The following PCDHGA11 variants were observed in gnomAD, a reference collection of about 807,000 sequenced individuals.
The protein encoded by PCDHGA11 is protocadherin gamma subfamily A, 11.
A neutral mutation model predicts 60.4 loss-of-function variants in PCDHGA11; 39 were observed. The observed-to-expected ratio is 0.65, with a 90% CI of 0.50 to 0.84. The LOEUF (loss-of-function observed/expected upper bound fraction) is 0.84, where lower values mean the gene tolerates loss of function less well. Ranked by LOEUF, PCDHGA11 falls within the 40% of genes least tolerant of loss-of-function variation. The probability of loss-of-function intolerance (pLI) is 0.00; values close to 1 mark genes in which losing one functional copy is unlikely to be tolerated. For synonymous variants in PCDHGA11, 533 were observed against 510.3 expected (o/e 1.04, Z -0.60); for missense variants, 1,165 against 1,197.7 (o/e 0.97, Z 0.40).
intron 1 of PCDHGA11, among the ~76,000 whole-genome samples, chr5:141,447,234 G>T (rs534523483): frequency 9.9e-4 from 150 of 152,170 alleles, no homozygotes; most frequent in Non-Finnish European, 1.8e-3. Flanking sequence ...CCGCCTCCCG[G>T]GTTCAAGTGA....
chr5:141,457,058 T>A (rs756862311), intron 1 of PCDHGA11, among the ~76,000 whole-genome samples: 2 of 152,230 alleles, frequency 1.3e-5, no homozygotes, highest in Non-Finnish European at 2.9e-5. Flanking sequence ...TCATGCTTCC[T>A]TTTTGCCAGT....
chr5:141,466,039 A>G (rs926979550), intron 1 of PCDHGA11, among the ~76,000 whole-genome samples: 1 of 152,122 alleles, frequency 6.6e-6, no homozygotes, highest in Non-Finnish European at 1.5e-5. Context: ...GGAGAACGGC[A>G]TGAACCCAGG....
chr5:141,486,844 C>T lies in PCDHGA11; in HGVS notation c.2434-7963C>T, dbSNP rs150549306. The T allele has an allele frequency of 1.1e-5, 17 of 1,614,220 alleles. No homozygotes were observed. The highest frequency in any genetic ancestry group is 1.4e-5 in the Non-Finnish European group (16 of 1,180,026). ...TAACAGTTCGTCTATTTGTGCTGGACCTCAATGACAATGCTCCAGCTGTGC... is the reference window on the plus strand; with the variant it reads ...TAACAGTTCGTCTATTTGTGCTGGATCTCAATGACAATGCTCCAGCTGTGC... On this transcript the variant is annotated intron_variant, in intron 1 of 3. Transcript: ENST00000398587. The surrounding 1 kb of genome is among the most constrained non-coding windows in gnomAD (Gnocchi z 5.0).
At position 141,491,257 on chromosome 5, in the gene PCDHGA11, G is replaced by GAAAT. The variant is rs1562145331; in HGVS notation, c.2434-3549_2434-3546dup. On this transcript the variant is annotated intron_variant, in intron 1 of 3. Transcript: ENST00000398587. The surrounding 1 kb of genome is among the most constrained non-coding windows in gnomAD (Gnocchi z 6.9). ...GGTTCTGGAGGATGAGGACCCTGAG[G>GAAAT]AAATGCCCAAATCCAGTGACTTCCT... is the stretch of plus-strand genomic sequence containing the variant. 6.2e-7 allele frequency: 1 copy of GAAAT among 1,614,170 alleles called. No individual in the cohort carries two copies. Among genetic ancestry groups the GAAAT allele is most frequent in the East Asian group, 2.2e-5 (1 of 44,884 alleles).
chr5:141,464,377 T>A (rs1410334231), intron 1 of PCDHGA11, among the ~76,000 whole-genome samples: 3 of 151,486 alleles, frequency 2.0e-5, no homozygotes, highest in Admixed American at 2.0e-4. Flanking sequence ...TTTTGCAATA[T>A]AAAAAATGCT....
At chr5:141,460,989 A>G (rs199888312) in intron 1 of PCDHGA11, among the ~76,000 whole-genome samples, 3,445 of 98,242 alleles carry the variant, frequency 0.035, 55 homozygotes, top group African/African-American at 0.064. Context: ...GTGTGTATAT[A>G]TATATATGTG....
At position 141,423,091 on chromosome 5, in the gene PCDHGA11, G is replaced by C. The variant is rs1243671863; in HGVS notation, c.1864G>C (p.Glu622Gln). The change falls in exon 1 of 4, where the codon GAG (glutamate) becomes CAG (glutamine). Residue 622 changes from glutamate (E) to glutamine (Q), a missense_variant. Glu to Gln is a conservative substitution (Grantham distance 29). Transcript: ENST00000398587. The part of the protein sequence containing the change: ...ASEPGLFAVG[E>Q]HTGEVRTARA... ...CGAGCCGGGACTCTTCGCGGTGGGGGAGCACACGGGCGAGGTGCGTACAGC... is the reference window on the plus strand; with the variant it reads ...CGAGCCGGGACTCTTCGCGGTGGGGCAGCACACGGGCGAGGTGCGTACAGC... 11 of 1,613,908 alleles carry C rather than the reference G, an allele frequency of 6.8e-6. No individual in the cohort carries two copies. Among genetic ancestry groups the C allele is most frequent in the South Asian group, 2.2e-5 (2 of 91,084 alleles).
In PCDHGA11 at chr5:141,477,074, A is replaced by G; in HGVS notation, c.2434-17733A>G. Reference sequence around the variant, plus strand: ...CTTCGAGGACACCAAACTCCATGAGATTTACATCCAGGCCAAAGACAAGGG... The same window carrying G: ...CTTCGAGGACACCAAACTCCATGAGGTTTACATCCAGGCCAAAGACAAGGG... On this transcript the variant is annotated intron_variant, in intron 1 of 3. Coordinates refer to ENST00000398587, the MANE Select transcript of PCDHGA11 (RefSeq NM_018914.3). This position sits in a 1 kb window ranked among gnomAD's most constrained non-coding sequence, Gnocchi z 4.9. 1 of 1,614,250 alleles carries G rather than the reference A, an allele frequency of 6.2e-7. No homozygotes were observed.
Position 141,491,994 on chromosome 5 carries a change from C to T in PCDHGA11, c.2434-2813C>T. On this transcript the variant is annotated intron_variant, in intron 1 of 3. Transcript: ENST00000398587. This position sits in a 1 kb window ranked among gnomAD's most constrained non-coding sequence, Gnocchi z 6.9. ...CCTCCTTCGAGCTTCCGGTGAATTT[C>T]GGGCGATTTCCGCGGGTGTCGGGGG... The T allele has an allele frequency of 4.3e-6, 3 of 693,016 alleles. No individual in the cohort carries two copies. The allele number at this position is 693,016 out of a possible 1,614,324, so 42.9% of individuals were successfully genotyped here.
chr5:141,463,466 T>G (rs1400160593), intron 1 of PCDHGA11, among the ~76,000 whole-genome samples: 2 of 142,982 alleles, frequency 1.4e-5, no homozygotes, highest in African/African-American at 5.2e-5. Context: ...TTTTTTTTTT[T>G]GAGATGGAGT....
At chr5:141,482,458 C>T (rs986628162) in intron 1 of PCDHGA11, among the ~76,000 whole-genome samples, 1 of 147,624 alleles carries the variant, frequency 6.8e-6, no homozygotes, top group Non-Finnish European at 1.5e-5. Context: ...ATTAGCATCC[C>T]TATGTGCCAG....
At position 141,491,856 on chromosome 5, in the gene PCDHGA11, C is replaced by T; in HGVS notation, c.2434-2951C>T. 1.4e-6 allele frequency: 2 copies of T among 1,458,728 alleles called. No individual in the cohort carries two copies. Among genetic ancestry groups the T allele is most frequent in the Non-Finnish European group, 1.8e-6 (2 of 1,103,072 alleles). 90.4% of individuals were successfully genotyped at this position (1,458,728 alleles called of 1,614,324 possible). A position where few individuals can be genotyped will look rare whatever the true frequency, so the allele number is the denominator to read the frequency against. ...TCTCGGGATCATTGGACCGTTTGCG[C>T]GAAACCAGAGTGGCCGATTAAGGGA... On this transcript the variant is annotated intron_variant, in intron 1 of 3. Coordinates refer to ENST00000398587, the MANE Select transcript of PCDHGA11 (RefSeq NM_018914.3). The surrounding 1 kb of genome is among the most constrained non-coding windows in gnomAD (Gnocchi z 6.9).
chr5:141,454,779 A>G (rs1387404898), intron 1 of PCDHGA11, among the ~76,000 whole-genome samples: 2 of 146,092 alleles, frequency 1.4e-5, no homozygotes, highest in African/African-American at 2.6e-5. Context: ...ACAAGGAAAT[A>G]ATCCTCCATG....
At chr5:141,448,223 T>C (rs1377619033) in intron 1 of PCDHGA11, among the ~76,000 whole-genome samples, 1 of 152,204 alleles carries the variant, frequency 6.6e-6, no homozygotes, top group Non-Finnish European at 1.5e-5. Context: ...TGCGAATGTA[T>C]GTGTGGGGTT....
At chr5:141,505,245 A>G (rs530515894) in intron 2 of PCDHGA11, 148 bp from the exon 3 acceptor site, 294 of 1,430,832 alleles carry the variant, frequency 2.1e-4, no homozygotes, top group Admixed American at 1.8e-3. Flanking sequence ...GAAGGATTGT[A>G]GAAGTGCCTC....
Position 141,485,422 on chromosome 5 carries a change from C to G in PCDHGA11, c.2434-9385C>G, listed in dbSNP as rs775279056. 6.2e-7 allele frequency: 1 copy of G among 1,614,130 alleles called. No homozygotes were observed. Among genetic ancestry groups the G allele is most frequent in the East Asian group, 2.2e-5 (1 of 44,872 alleles). ...TCCGTGTGGATTTGGACAGCGGAGC[C>G]CTGCTCATCAAGAACCCAATCGACC... On this transcript the variant is annotated intron_variant, in intron 1 of 3. Transcript: ENST00000398587. The surrounding 1 kb of genome is among the most constrained non-coding windows in gnomAD (Gnocchi z 5.7).
rs1562150111 is a variant in PCDHGA11, at chr5:141,491,805, T to G, written c.2434-3002T>G. 1 of 1,495,892 alleles carries G rather than the reference T, an allele frequency of 6.7e-7. No homozygotes were observed. 92.7% of individuals were successfully genotyped at this position (1,495,892 alleles called of 1,614,324 possible). A position where few individuals can be genotyped will look rare whatever the true frequency, so the allele number is the denominator to read the frequency against. On this transcript the variant is annotated intron_variant, in intron 1 of 3. Coordinates refer to ENST00000398587, the MANE Select transcript of PCDHGA11 (RefSeq NM_018914.3). This position sits in a 1 kb window ranked among gnomAD's most constrained non-coding sequence, Gnocchi z 6.9. ...TGCATCCACTCCTCTCCGGCCGGCT[T>G]GGTCGCTGGCTGCGCTCCACCCGAT... is the stretch of plus-strand genomic sequence containing the variant.
rs747811019 is a variant in PCDHGA11 at position 141,490,069 on chromosome 5, C to T, written c.2434-4738C>T. 6 of 1,614,150 alleles carry T rather than the reference C, an allele frequency of 3.7e-6. No homozygotes were observed. Among genetic ancestry groups the T allele is most frequent in the Non-Finnish European group, 5.1e-6 (6 of 1,180,044 alleles). ...TCCAGACGAGGGCACCAACGGCCAA[C>T]TAGACTATTCTTTTGGAGACCACAC... On this transcript the variant is annotated intron_variant, in intron 1 of 3. Transcript: ENST00000398587. This position sits in a 1 kb window ranked among gnomAD's most constrained non-coding sequence, Gnocchi z 5.4.
Position 141,487,767 on chromosome 5 carries a change from T to G in PCDHGA11, c.2434-7040T>G, listed in dbSNP as rs2099665569. The G allele has an allele frequency of 5.2e-6, 8 of 1,538,298 alleles. No homozygotes were observed. The African/African-American group carries it at 9.6e-5, about 18-fold the overall frequency. On this transcript the variant is annotated intron_variant, in intron 1 of 3. Transcript: ENST00000398587. This position sits in a 1 kb window ranked among gnomAD's most constrained non-coding sequence, Gnocchi z 5.0. ...GGTAACTATGTGGTAGACGCTGTGC[T>G]TTGTAACTGTTTCGTGAATTAACCA... is the stretch of plus-strand genomic sequence containing the variant.
Sources: gnomAD v4.1 joint callset for allele counts (sites outside exome capture counted in the v4.1 genomes callset) on GRCh38, gnomAD v4.1.1 for gene constraint, Gnocchi (gnomAD v3.1) non-coding constraint, MANE v1.5 for transcripts, NCBI Gene and HGNC (gene_info 2026-07-23, HGNC 2026-07-21) for gene names.